The following PLAGL1 variants were observed in gnomAD, a reference collection of about 807,000 sequenced individuals.
PLAGL1 encodes the protein zinc finger protein PLAGL1.
In PLAGL1, 1 loss-of-function variant was observed where a neutral mutation model predicts 4.6. The ratio of observed to expected loss-of-function variants is 0.22; its 90% CI spans 0.08 to 1.03. PLAGL1 has a LOEUF of 1.03. PLAGL1 is among the 50% of genes least tolerant of loss of function. PLAGL1 has a pLI of 0.58. For missense variants in PLAGL1, 464 were observed against 570.4 expected, an observed-to-expected ratio of 0.81 and a Z score of 1.90; for synonymous variants, 240 against 237.8, an observed-to-expected ratio of 1.01 and a Z score of -0.08.
Position 144,063,159 on chromosome 6 carries a change from C to T in PLAGL1, c.-151+1309G>A, listed in dbSNP as rs1397509210. Among the ~76,000 whole-genome samples the T allele has an allele frequency of 6.6e-6, 1 of 152,202 alleles. No individual in the cohort carries two copies. Among genetic ancestry groups the T allele is most frequent in the Non-Finnish European group, 1.5e-5 (1 of 68,038 alleles). ...CTCAGCCCAAAGATCACTTGCAGAA[C>T]CAAAGAATGAATTTATTTGTTGCAA... On this transcript the variant is annotated intron_variant, in intron 1 of 3. Transcript: ENST00000437412. This position sits in a 1 kb window ranked among gnomAD's most constrained non-coding sequence, Gnocchi z 5.7.
At chr6:143,993,484 G>A (rs1476237347) in intron 1 of PLAGL1, among the ~76,000 whole-genome samples, 1 of 151,902 alleles carries the variant, frequency 6.6e-6, no homozygotes, top group East Asian at 1.9e-4. Context: ...TGAGGAGACG[G>A]CAGACATTTC....
In PLAGL1 at chr6:143,963,051, G is replaced by A. The variant is rs1364754098; in HGVS notation, c.-399+1736C>T. On this transcript the variant is annotated intron_variant, in intron 5 of 7. Coordinates refer to ENST00000674357, the MANE Select transcript of PLAGL1 (RefSeq NM_001317162.2). The surrounding 1 kb of genome is among the most constrained non-coding windows in gnomAD (Gnocchi z 6.1). Reference sequence around the variant, plus strand: ...TATTTCTTTGAAATGAAGCCTGAGTGGGATATTCAGATTCACCTCCAGGCA... The same window carrying A: ...TATTTCTTTGAAATGAAGCCTGAGTAGGATATTCAGATTCACCTCCAGGCA... Among the ~76,000 whole-genome samples, 1 of 152,184 alleles carries A rather than the reference G, an allele frequency of 6.6e-6. No homozygotes were observed. Among genetic ancestry groups the A allele is most frequent in the African/African-American group, 2.4e-5 (1 of 41,450 alleles).
In PLAGL1 at chr6:144,002,089, G is replaced by T. The variant is rs945724492; in HGVS notation, c.-584+6001C>A. Among the ~76,000 whole-genome samples, 8 of 152,220 alleles carry T rather than the reference G, an allele frequency of 5.3e-5. No homozygotes were observed. The South Asian group carries it at 1.7e-3, about 32-fold the overall frequency. ...TGCCAATGTTAATTTCTTAACTTTGGTACTTTACAAGGGTTATGTAAGATG... is the reference window on the plus strand; with the variant it reads ...TGCCAATGTTAATTTCTTAACTTTGTTACTTTACAAGGGTTATGTAAGATG... On this transcript the variant is annotated intron_variant, in intron 1 of 7. Coordinates refer to ENST00000674357, the MANE Select transcript of PLAGL1 (RefSeq NM_001317162.2).
intron 1 of PLAGL1, among the ~76,000 whole-genome samples, chr6:144,026,553 C>T (rs1796355597): frequency 6.6e-6 from 1 of 152,172 alleles, no homozygotes; most frequent in South Asian, 2.1e-4. Context: ...TGTGGTTCAA[C>T]TGCCACATAA....
chr6:144,023,414 C>T (rs544499967), intron 1 of PLAGL1, among the ~76,000 whole-genome samples: 3 of 151,974 alleles, frequency 2.0e-5, no homozygotes, highest in Admixed American at 6.6e-5. Context: ...ATGCAGACAG[C>T]GACAAAAGAA....
At position 143,964,451 on chromosome 6, in the gene PLAGL1, G is replaced by A. The variant is rs144010134; in HGVS notation, c.-399+336C>T. Among the ~76,000 whole-genome samples the A allele has an allele frequency of 3.3e-3, 497 of 152,258 alleles. 2 individuals are homozygous for A. Among genetic ancestry groups the A allele is most frequent in the African/African-American group, 0.011 (473 of 41,532 alleles). ...GTTGGCAGAATGGGGACTGGAGTCC[G>A]TTTTCATTATGGGGAATGAAAACAG... On this transcript the variant is annotated intron_variant, in intron 5 of 7. Coordinates refer to ENST00000674357, the MANE Select transcript of PLAGL1 (RefSeq NM_001317162.2). This position sits in a 1 kb window ranked among gnomAD's most constrained non-coding sequence, Gnocchi z 4.3.
Position 143,959,245 on chromosome 6 carries a change from T to C in PLAGL1, c.-325+1224A>G, listed in dbSNP as rs1344122594. ...ATCATACTGTCCACCCTGCTTTGGC[T>C]GGCCCCCTTCAGCTCCTGAGACAGA... On this transcript the variant is annotated intron_variant, in intron 6 of 7. Transcript: ENST00000674357. This position sits in a 1 kb window ranked among gnomAD's most constrained non-coding sequence, Gnocchi z 5.3. 1.3e-5 allele frequency among the ~76,000 whole-genome samples: 2 copies of C among 152,312 alleles called. No individual in the cohort carries two copies. The highest frequency in any genetic ancestry group is 2.1e-4 in the South Asian group (1 of 4,828).
At chr6:144,029,795 T>C (rs1018546691) in intron 1 of PLAGL1, among the ~76,000 whole-genome samples, 1 of 152,228 alleles carries the variant, frequency 6.6e-6, no homozygotes, top group Non-Finnish European at 1.5e-5. Context: ...GGTACAACCT[T>C]ATGGAAGGTA....
At chr6:144,002,290 C>T (rs980011934) in intron 1 of PLAGL1, among the ~76,000 whole-genome samples, 2 of 152,014 alleles carry the variant, frequency 1.3e-5, no homozygotes, top group African/African-American at 4.8e-5. Flanking sequence ...TGGTAAAGAA[C>T]ATCTACAAAA....
At chr6:144,054,298 C>T (rs11756126) in intron 1 of PLAGL1, among the ~76,000 whole-genome samples, 17,292 of 152,142 alleles carry the variant, frequency 0.11, 1,178 homozygotes, top group Admixed American at 0.23. Context: ...ATGTGTGTGT[C>T]GTATGTTTAT....
chr6:144,041,421 G>C (rs1797720334), intron 1 of PLAGL1, among the ~76,000 whole-genome samples: 1 of 151,932 alleles, frequency 6.6e-6, no homozygotes, highest in South Asian at 2.1e-4. Flanking sequence ...CTATGAGTGA[G>C]AACATGCGGT....
chr6:143,991,712 C>T (rs1790513095), intron 1 of PLAGL1, among the ~76,000 whole-genome samples: 3 of 152,246 alleles, frequency 2.0e-5, no homozygotes, highest in African/African-American at 4.8e-5. Flanking sequence ...CTAGGCTATG[C>T]TCCTGGTTCC....
intron 1 of PLAGL1, among the ~76,000 whole-genome samples, chr6:144,046,981 G>C (rs778095189): frequency 2.6e-5 from 4 of 152,250 alleles, no homozygotes; most frequent in Non-Finnish European, 5.9e-5. Flanking sequence ...ACAAGGCTCT[G>C]TGGGCGTGGG....
chr6:144,034,166 G>A lies in PLAGL1; in HGVS notation c.-151+30302C>T, dbSNP rs1051553951. Among the ~76,000 whole-genome samples the A allele has an allele frequency of 6.6e-6, 1 of 152,170 alleles. No individual in the cohort carries two copies. On this transcript the variant is annotated intron_variant, in intron 1 of 3. Coordinates refer to the PLAGL1 transcript ENST00000437412. The surrounding 1 kb of genome is among the most constrained non-coding windows in gnomAD (Gnocchi z 4.7). ...GACCTGTGTTTACATGTAAAACCAC[G>A]TTGTTGGAGGAGGGGGTGCCCCAGC...
chr6:144,015,708 A>C lies in PLAGL1; in HGVS notation c.-150-46730T>G, dbSNP rs1345542150. ...GCTACATACCCACTGGAAAGGCTAA[A>C]GTTGAAAAGACTGAAAATACCAAGG... On this transcript the variant is annotated intron_variant, in intron 1 of 3. Coordinates refer to the PLAGL1 transcript ENST00000437412. This position sits in a 1 kb window ranked among gnomAD's most constrained non-coding sequence, Gnocchi z 4.3. Among the ~76,000 whole-genome samples, 2 of 152,226 alleles carry C rather than the reference A, an allele frequency of 1.3e-5. No homozygotes were observed. Among genetic ancestry groups the C allele is most frequent in the African/African-American group, 4.8e-5 (2 of 41,458 alleles).
Position 143,985,596 on chromosome 6 carries a change from T to G in PLAGL1, c.-583-422A>C, listed in dbSNP as rs2128617229. Among the ~76,000 whole-genome samples, 1 of 152,290 alleles carries G rather than the reference T, an allele frequency of 6.6e-6. No homozygotes were observed. The highest frequency in any genetic ancestry group is 2.1e-4 in the South Asian group (1 of 4,824). On this transcript the variant is annotated intron_variant, in intron 1 of 7. Transcript: ENST00000674357. The surrounding 1 kb of genome is among the most constrained non-coding windows in gnomAD (Gnocchi z 4.4). The stretch of plus-strand genomic sequence containing the variant: ...AATAATAACAGCCATTTACAAAAAG[T>G]ATTTCATTCCTTGTCCATAGTTCTA...
Position 144,004,509 on chromosome 6 carries a change from C to T in PLAGL1, c.-584+3581G>A, listed in dbSNP as rs920729399. Among the ~76,000 whole-genome samples the T allele has an allele frequency of 2.0e-5, 3 of 152,136 alleles. No homozygotes were observed. The highest frequency in any genetic ancestry group is 6.5e-5 in the Admixed American group (1 of 15,272). On this transcript the variant is annotated intron_variant, in intron 1 of 7. Transcript: ENST00000674357. This position sits in a 1 kb window ranked among gnomAD's most constrained non-coding sequence, Gnocchi z 4.2. The stretch of plus-strand genomic sequence containing the variant: ...AACAAAAGAATAAACTGTATGACTC[C>T]GTTTATATGAAGTTTAAAAACATTT...
In PLAGL1 at chr6:143,968,229, G is replaced by T. The variant is rs1382395734; in HGVS notation, c.-472+678C>A. 1.3e-5 allele frequency: 2 copies of T among 152,152 alleles called. No individual in the cohort carries two copies. The highest frequency in any genetic ancestry group is 2.9e-5 in the Non-Finnish European group (2 of 68,014). The allele number at this position is 152,152 out of a possible 1,614,324, so 9.4% of individuals were successfully genotyped here. On this transcript the variant is annotated intron_variant, in intron 3 of 7. Coordinates refer to ENST00000674357, the MANE Select transcript of PLAGL1 (RefSeq NM_001317162.2). The surrounding 1 kb of genome is among the most constrained non-coding windows in gnomAD (Gnocchi z 6.3). The stretch of plus-strand genomic sequence containing the variant: ...TTCAAACAAATCCTAATCTTTACAT[G>T]AGTGATAGAAAATAAGAAATAAAAA...
Position 144,045,391 on chromosome 6 carries a change from ATC to A in PLAGL1, c.-151+19075_-151+19076del, listed in dbSNP as rs575575173. 2.6e-4 allele frequency among the ~76,000 whole-genome samples: 40 copies of A among 152,172 alleles called. No individual in the cohort carries two copies. The South Asian group carries it at 6.0e-3, about 23-fold the overall frequency. Reference sequence around the variant, plus strand: ...TAAGGCAGGCCTGGTGGTGACAAAAATCTCTCAGCATTTGCTTGTCTGTAAAG... The same window carrying A: ...TAAGGCAGGCCTGGTGGTGACAAAAATCTCAGCATTTGCTTGTCTGTAAAG... On this transcript the variant is annotated intron_variant, in intron 1 of 3. Coordinates refer to the PLAGL1 transcript ENST00000437412.
Sources: allele counts gnomAD v4.1 joint callset (sites outside exome capture counted in the v4.1 genomes callset), GRCh38; gene constraint gnomAD v4.1.1; non-coding constraint Gnocchi (gnomAD v3.1); transcripts MANE v1.5; gene names NCBI Gene and HGNC (gene_info 2026-07-23, HGNC 2026-07-21).